The following CFAP251 variants were observed in gnomAD, a reference collection of about 807,000 sequenced individuals.
The protein encoded by CFAP251 is cilia and flagella associated protein 251, also known as cilia- and flagella-associated protein 251.
CFAP251 carries 93 observed loss-of-function variants against 126.7 expected under a neutral mutation model. The observed-to-expected ratio is 0.73, with a 90% CI of 0.62 to 0.87. The LOEUF is 0.87. CFAP251 is among the 40% of genes least tolerant of loss of function. CFAP251 has a pLI of 0.00. For missense variants in CFAP251, 1,287 were observed against 1,389.2 expected, an observed-to-expected ratio of 0.93 and a Z score of 1.17; for synonymous variants, 503 against 506.9, an observed-to-expected ratio of 0.99 and a Z score of 0.10.
At chr12:121,960,205 A>G (rs755618212) in intron 13 of CFAP251, among the ~76,000 whole-genome samples, 1 of 152,088 alleles carries the variant, frequency 6.6e-6, no homozygotes, top group Non-Finnish European at 1.5e-5. Flanking sequence ...ATAGACTAAG[A>G]TTATTTTTGA....
chr12:121,930,965 T>G (rs1259138321), intron 3 of CFAP251, among the ~76,000 whole-genome samples: 5 of 152,150 alleles, frequency 3.3e-5, no homozygotes, highest in African/African-American at 1.2e-4. Context: ...GCCAGGCTGG[T>G]CTAGAACCCT....
intron 19 of CFAP251, among the ~76,000 whole-genome samples, chr12:121,986,625 T>G (rs115299004): frequency 0.021 from 3,105 of 150,522 alleles, 93 homozygotes; most frequent in African/African-American, 0.072. Flanking sequence ...AATTGCTGGA[T>G]GTAGTGGCTC....
intron 6 of CFAP251, 92 bp from the exon 7 acceptor site, chr12:121,942,803 A>T (rs1881175645): frequency 7.1e-7 from 1 of 1,418,252 alleles, no homozygotes; most frequent in Admixed American, 1.7e-5. Flanking sequence ...GTCCTTAGTT[A>T]CTTGAAGTTT....
intron 20 of CFAP251, 50 bp downstream of exon 20, chr12:121,999,994 T>C (rs1883111744): frequency 6.6e-7 from 1 of 1,516,894 alleles, no homozygotes; most frequent in Non-Finnish European, 9.1e-7. Flanking sequence ...CCATTCCCAG[T>C]GTAGAGAACT....
intron 10 of CFAP251, 28 bp from the exon 11 acceptor site, chr12:121,957,046 G>A: frequency 6.5e-7 from 1 of 1,537,408 alleles, no homozygotes. Flanking sequence ...ATTGCTATTT[G>A]CAAAACTGAT....
At chr12:121,967,150 CAG>C (rs1320453317) in intron 16 of CFAP251, 81 bp downstream of exon 16, 2 of 1,353,208 alleles carry the variant, frequency 1.5e-6, no homozygotes, top group Non-Finnish European at 1.0e-6. Flanking sequence ...TCACGAGACT[CAG>C]AGAGTTCTGG....
chr12:121,979,088 T>C (rs1882551761), intron 19 of CFAP251, among the ~76,000 whole-genome samples: 1 of 152,172 alleles, frequency 6.6e-6, no homozygotes, highest in Non-Finnish European at 1.5e-5. Flanking sequence ...TCGGCTTCAG[T>C]GGCCTACCCA....
intron 15 of CFAP251, among the ~76,000 whole-genome samples, chr12:121,966,587 CTTT>C (rs555396249): frequency 4.0e-5 from 5 of 123,474 alleles, no homozygotes; most frequent in Admixed American, 8.3e-5. Flanking sequence ...ACCAAAGAGT[CTTT>C]TTTTTTTTTT....
intron 5 of CFAP251, among the ~76,000 whole-genome samples, chr12:121,939,954 C>T (rs1274786598): frequency 1.3e-5 from 2 of 152,068 alleles, no homozygotes; most frequent in South Asian, 2.1e-4. Flanking sequence ...AGTTTCTTTA[C>T]GTTTTTTAGT....
intron 17 of CFAP251, 82 bp from the exon 18 acceptor site, chr12:121,975,162 C>T: frequency 1.8e-6 from 2 of 1,097,232 alleles, no homozygotes; most frequent in South Asian, 1.3e-5. Flanking sequence ...CTTCAGAGGG[C>T]CGCAGTGCTG....
rs755956398 is a variant in CFAP251, at chr12:122,001,517, G to A, written c.3256G>A (p.Glu1086Lys). Reference sequence around the variant, plus strand: ...CACAGGTGAGCATATGACGGAGGAGGAGATGTTGGATTGCTTTGCTTCACT... The same window carrying A: ...CACAGGTGAGCATATGACGGAGGAGAAGATGTTGGATTGCTTTGCTTCACT... Reference protein sequence around the residue: ...VTKGEHMTEEEMLDCFASLFG... With the variant: ...VTKGEHMTEEKMLDCFASLFG... The change falls in exon 21 of 22, where the codon GAG becomes AAG. Residue 1086 changes from glutamate (E) to lysine (K), a missense_variant. Transcript: ENST00000288912. 1 of 1,614,142 alleles carries A rather than the reference G, an allele frequency of 6.2e-7. No homozygotes were observed. Among genetic ancestry groups the A allele is most frequent in the Non-Finnish European group, 8.5e-7 (1 of 1,180,012 alleles).
At chr12:121,949,180 A>G (rs1210026035) in intron 8 of CFAP251, 119 bp downstream of exon 8, 7 of 533,642 alleles carry the variant, frequency 1.3e-5, no homozygotes, top group Non-Finnish European at 2.2e-5. Flanking sequence ...CAATGAATAT[A>G]TATTAAAATG....
intron 5 of CFAP251, among the ~76,000 whole-genome samples, chr12:121,936,534 A>ACTT: frequency 7.0e-6 from 1 of 142,290 alleles, no homozygotes; most frequent in African/African-American, 3.1e-5. Flanking sequence ...GCTGGGCAAG[A>ACTT]TGATGCCTAG....
Position 121,954,311 on chromosome 12 carries a change from C to T in CFAP251, c.1512C>T (p.Ile504=), listed in dbSNP as rs762590468. ...CKLVHLQKEG[I]TVLTTIDSYI... ...TGGTTCATTTGCAGAAAGAGGGTAT[C>T]ACGGTACTTACCACAATTGATAGGT... The change falls in exon 10 of 22, where the codon ATC becomes ATT. Residue 504 remains isoleucine (I), a synonymous_variant. Coordinates refer to ENST00000288912, the MANE Select transcript of CFAP251 (RefSeq NM_144668.6). 4 of 1,613,632 alleles carry T rather than the reference C, an allele frequency of 2.5e-6. No individual in the cohort carries two copies. In the African/African-American group the frequency reaches 4.0e-5, roughly 16 times the overall value.
At position 121,921,175 on chromosome 12, in the gene CFAP251, A is replaced by T. The variant is rs754954814; in HGVS notation, c.-20-111A>T. On this transcript the variant is annotated intron_variant, in intron 1 of 21. Coordinates refer to ENST00000288912, the MANE Select transcript of CFAP251 (RefSeq NM_144668.6). Reference sequence around the variant, plus strand: ...GAAACATGACATTCTTTTTATTCCTATGGAAAGGGAACAGAGCCATTTATG... The same window carrying T: ...GAAACATGACATTCTTTTTATTCCTTTGGAAAGGGAACAGAGCCATTTATG... 4 of 1,203,714 alleles carry T rather than the reference A, an allele frequency of 3.3e-6. No individual in the cohort carries two copies. The African/African-American group carries it at 4.6e-5, about 14-fold the overall frequency. 74.6% of individuals were successfully genotyped at this position (1,203,714 alleles called of 1,614,324 possible).
chr12:121,978,359 A>C (rs1317247120), intron 19 of CFAP251, among the ~76,000 whole-genome samples: 3 of 133,120 alleles, frequency 2.3e-5, no homozygotes, highest in East Asian at 2.3e-4. Flanking sequence ...GTGCCACTGC[A>C]CTCCAGCCTG....
chr12:121,965,986 C>G (rs889221641), intron 15 of CFAP251, among the ~76,000 whole-genome samples: 2 of 151,792 alleles, frequency 1.3e-5, no homozygotes, highest in East Asian at 3.9e-4. Context: ...CAGGAAACTA[C>G]TATGTTGCCC....
intron 19 of CFAP251, chr12:121,999,439 G>A (rs936313580): frequency 9.1e-6 from 2 of 220,802 alleles, no homozygotes; most frequent in East Asian, 9.3e-5. Flanking sequence ...GCAGTGGCAC[G>A]TTCTTGGCTC....
At chr12:121,946,535 C>T (rs1157137842) in intron 7 of CFAP251, among the ~76,000 whole-genome samples, 1 of 152,148 alleles carries the variant, frequency 6.6e-6, no homozygotes, top group Non-Finnish European at 1.5e-5. Flanking sequence ...GTGTCTCTCT[C>T]CTTGGCCCCC....
Sources: gnomAD v4.1 joint callset for allele counts (sites outside exome capture counted in the v4.1 genomes callset) on GRCh38, gnomAD v4.1.1 for gene constraint, MANE v1.5 for transcripts, NCBI Gene and HGNC (gene_info 2026-07-23, HGNC 2026-07-21) for gene names.